Variants in TRIM51G observed in about 807,000 individuals in gnomAD.
TRIM51G encodes the protein tripartite motif-containing protein 51G.
At chr11:48,978,760 T>C in the TRIM51G span, 12 of 568,170 alleles carry the variant, frequency 2.1e-5, no homozygotes, top group Admixed American at 3.4e-4. Context: ...TATAGAATCG[T>C]GTTTTTGGAA....
At chr11:48,978,301 C>T in the TRIM51G span, 1 of 415,116 alleles carries the variant, frequency 2.4e-6, no homozygotes, top group Admixed American at 3.3e-5. Context: ...TTTCTTTTCT[C>T]ATGAAAATCC....
At chr11:48,975,569 G>A in the TRIM51G span, 2 of 1,384,794 alleles carry the variant, frequency 1.4e-6, no homozygotes, top group East Asian at 2.3e-5. Context: ...GTGTATATCA[G>A]GGAACTTCTA....
chr11:48,977,156 G>A, the TRIM51G span: 12 of 1,320,812 alleles, frequency 9.1e-6, no homozygotes, highest in South Asian at 1.2e-4. Flanking sequence ...CACAGGCTCA[G>A]ACACTTGCAG....
the TRIM51G span, among the ~76,000 whole-genome samples, chr11:48,978,404 T>A: frequency 1.3e-5 from 2 of 152,006 alleles, no homozygotes; most frequent in African/African-American, 4.8e-5. Context: ...GCCCACAGAG[T>A]CTATGCTCTG....
chr11:48,983,695 T>C, the TRIM51G span, among the ~76,000 whole-genome samples: 2 of 151,896 alleles, frequency 1.3e-5, no homozygotes, highest in East Asian at 3.9e-4. Flanking sequence ...TTTACTCTTT[T>C]AAAGGAAGAG....
chr11:48,979,802 C>CAT, the TRIM51G span, among the ~76,000 whole-genome samples: 107,631 of 147,374 alleles, frequency 0.73, 39,954 homozygotes, highest in Non-Finnish European at 0.8. Flanking sequence ...CATATATATC[C>CAT]ATATATATAT....
chr11:48,982,947 G>GTGTGTGTGTATATA, the TRIM51G span, among the ~76,000 whole-genome samples: 117 of 86,120 alleles, frequency 1.4e-3, no homozygotes, highest in Non-Finnish European at 2.0e-3. Flanking sequence ...AGTATTTTTG[G>GTGTGTGTGTATATA]TATATATACA....
chr11:48,982,951 ATATACATATAT>A, the TRIM51G span, among the ~76,000 whole-genome samples: 1 of 4,062 alleles, frequency 2.5e-4, no homozygotes, highest in African/African-American at 4.2e-4. Flanking sequence ...TTTTTGGTAT[ATATACATATAT>A]ATATATATAT....
the TRIM51G span, chr11:48,979,239 C>G: frequency 1.9e-6 from 1 of 531,658 alleles, no homozygotes; most frequent in Non-Finnish European, 3.6e-6. Flanking sequence ...AATTTTATTC[C>G]TTTCATTTCT....
the TRIM51G span, among the ~76,000 whole-genome samples, chr11:48,982,652 A>G: frequency 6.6e-6 from 1 of 151,930 alleles, no homozygotes; most frequent in South Asian, 2.1e-4. Context: ...TCTCCAGGAC[A>G]CTAGCTTAAT....
At chr11:48,982,308 G>T in the TRIM51G span, among the ~76,000 whole-genome samples, 5,862 of 151,990 alleles carry the variant, frequency 0.039, 181 homozygotes, top group Middle Eastern at 0.099. Flanking sequence ...CTTCTTCTTT[G>T]GGCTACTCAA....
At chr11:48,980,270 G>A in the TRIM51G span, among the ~76,000 whole-genome samples, 1 of 151,912 alleles carries the variant, frequency 6.6e-6, no homozygotes, top group Non-Finnish European at 1.5e-5. Flanking sequence ...TCCACAAAGA[G>A]AAAATCATTT....
the TRIM51G span, chr11:48,981,171 T>C: frequency 2.1e-5 from 32 of 1,490,546 alleles, no homozygotes; most frequent in East Asian, 1.2e-4. Context: ...AGGAAGCTCA[T>C]AACAGACATG....
chr11:48,975,698 T>C, the TRIM51G span: 4 of 1,526,838 alleles, frequency 2.6e-6, no homozygotes, highest in Non-Finnish European at 3.6e-6. Context: ...CTGCAGTGAG[T>C]GTCCTCCTTA....
At chr11:48,980,848 G>A in the TRIM51G span, 1 of 454,348 alleles carries the variant, frequency 2.2e-6, no homozygotes, top group South Asian at 1.6e-5. Flanking sequence ...CCTATTTTAA[G>A]AGTCACCCAT....
chr11:48,981,194 C>G, the TRIM51G span: 3 of 1,555,352 alleles, frequency 1.9e-6, no homozygotes, highest in South Asian at 2.3e-5. Flanking sequence ...TAAGGGGGCA[C>G]AGAGATGGCA....
At chr11:48,980,484 C>T in the TRIM51G span, among the ~76,000 whole-genome samples, 3 of 152,094 alleles carry the variant, frequency 2.0e-5, no homozygotes, top group Non-Finnish European at 2.9e-5. Context: ...CTCCTTCTGC[C>T]TGAAATGTAG....
the TRIM51G span, among the ~76,000 whole-genome samples, chr11:48,982,091 G>A: frequency 6.6e-6 from 1 of 151,616 alleles, no homozygotes; most frequent in African/African-American, 2.4e-5. Context: ...CCTACACTGG[G>A]TAACAAAACA....
the TRIM51G span, among the ~76,000 whole-genome samples, chr11:48,982,400 G>A: frequency 2.0e-5 from 3 of 152,064 alleles, no homozygotes; most frequent in South Asian, 6.2e-4. Flanking sequence ...TTAATTATAG[G>A]TGTTGACTTG....
Sources: allele counts gnomAD v4.1 joint callset (sites outside exome capture counted in the v4.1 genomes callset), GRCh38; gene constraint gnomAD v4.1.1; transcripts MANE v1.5; gene names NCBI Gene and HGNC (gene_info 2026-07-23, HGNC 2026-07-21).